The following PTK2 variants were observed in gnomAD, a reference collection of about 807,000 sequenced individuals.
PTK2 encodes focal adhesion kinase 1.
Under a neutral mutation model 150.1 loss-of-function variants are expected in PTK2, and 45 were observed. The ratio of observed to expected loss-of-function variants is 0.30; its 90% CI spans 0.24 to 0.38. PTK2 has a LOEUF of 0.38. PTK2 is among the 10% of genes least tolerant of loss of function. The pLI, the probability that PTK2 is intolerant of heterozygous loss-of-function variation, is 1.00. For synonymous variants in PTK2, 432 were observed against 449.2 expected (o/e 0.96, Z 0.48); for missense variants, 919 against 1,307.3 (o/e 0.70, Z 4.58).
At chr8:140,885,761 G>T (rs887643548) in intron 3 of PTK2, among the ~76,000 whole-genome samples, 1 of 152,144 alleles carries the variant, frequency 6.6e-6, no homozygotes, top group Admixed American at 6.6e-5. Context: ...AGAGAAACAG[G>T]AAGCAGAAAG....
chr8:140,743,704 TA>T (rs1354557453), intron 19 of PTK2, among the ~76,000 whole-genome samples: 2 of 152,184 alleles, frequency 1.3e-5, no homozygotes, highest in Admixed American at 6.5e-5. Flanking sequence ...TATCATTAAA[TA>T]AAAGTTGCCT....
intron 21 of PTK2, 55 bp from the exon 25 acceptor site, chr8:140,735,510 C>A: frequency 6.4e-7 from 1 of 1,556,718 alleles, no homozygotes; most frequent in African/African-American, 1.4e-5. Flanking sequence ...AATGTAACTC[C>A]CAGGTTCCAG....
intron 15 of PTK2, among the ~76,000 whole-genome samples, chr8:140,763,933 T>C (rs1028428296): frequency 6.6e-5 from 10 of 152,160 alleles, no homozygotes; most frequent in Non-Finnish European, 2.9e-5. Flanking sequence ...CCAATAATAC[T>C]AATTTTCTAC....
intron 20 of PTK2, among the ~76,000 whole-genome samples, chr8:140,739,334 A>C (rs1335915308): frequency 6.6e-6 from 1 of 152,168 alleles, no homozygotes; most frequent in Non-Finnish European, 1.5e-5. Context: ...CCTTCCCTCT[A>C]TAGAGAGGCA....
chr8:140,659,591 G>A, exon 32 of PTK2: 1 of 1,614,150 alleles, frequency 6.2e-7, no homozygotes. Flanking sequence ...TCTTGCTGGA[G>A]GCTGGTCATG....
intron 23 of PTK2, among the ~76,000 whole-genome samples, chr8:140,713,331 G>A (rs1293640812): frequency 6.6e-6 from 1 of 152,202 alleles, no homozygotes; most frequent in Non-Finnish European, 1.5e-5. Context: ...CGCGATCTCA[G>A]CTCAGTGCAA....
chr8:140,726,934 A>T (rs1264111203), intron 22 of PTK2, among the ~76,000 whole-genome samples: 1 of 152,232 alleles, frequency 6.6e-6, no homozygotes, highest in Non-Finnish European at 1.5e-5. Context: ...ATTTCAGCAT[A>T]ATGGACCAAG....
intron 3 of PTK2, among the ~76,000 whole-genome samples, chr8:140,887,312 T>A (rs1257368342): frequency 6.6e-6 from 1 of 152,186 alleles, no homozygotes; most frequent in East Asian, 1.9e-4. Flanking sequence ...AAAAATCATG[T>A]CCAAGGCCAA....
chr8:140,965,357 G>C (rs916560631), intron 1 of PTK2, among the ~76,000 whole-genome samples: 1 of 152,184 alleles, frequency 6.6e-6, no homozygotes, highest in Non-Finnish European at 1.5e-5. Flanking sequence ...GGTAGGGGCT[G>C]TTCTGTCTCA....
At chr8:140,690,290 C>T (rs770865637) in intron 26 of PTK2, among the ~76,000 whole-genome samples, 2 of 152,078 alleles carry the variant, frequency 1.3e-5, no homozygotes, top group Admixed American at 6.5e-5. Context: ...CTTGATCTGC[C>T]GCCCAGGTCA....
chr8:140,733,248 A>T (rs1342529757), intron 22 of PTK2, among the ~76,000 whole-genome samples: 1 of 152,186 alleles, frequency 6.6e-6, no homozygotes, highest in African/African-American at 2.4e-5. Flanking sequence ...CTGGCATAGA[A>T]GAGAATGTAA....
rs141668003 is a variant in PTK2 at position 140,817,138 on chromosome 8, T to C, written c.867+1139A>G. On this transcript the variant is annotated intron_variant, in intron 10 of 31. Transcript: ENST00000522684. ...TTTCTACCAGGTTCACAGAGTGAAA[T>C]AACCAAGTAGGACAGTGTGCCTGAT... 4.5e-3 allele frequency among the ~76,000 whole-genome samples: 683 copies of C among 151,766 alleles called. 4 individuals are homozygous for C. Among genetic ancestry groups the C allele is most frequent in the African/African-American group, 0.016 (648 of 41,352 alleles).
chr8:140,947,895 A>AATT lies in PTK2; in HGVS notation c.-121-22149_-121-22147dup, dbSNP rs2100178226. On this transcript the variant is annotated intron_variant, in intron 1 of 31. Coordinates refer to ENST00000522684, the Ensembl canonical transcript of PTK2. ...TCGGACAAAAAATAATAATAATAAT[A>AATT]ATTTTTTAAAAATCCCAAGGGGCTA... is the stretch of plus-strand genomic sequence containing the variant. Among the ~76,000 whole-genome samples, 4 of 152,194 alleles carry AATT rather than the reference A, an allele frequency of 2.6e-5. No homozygotes were observed. The South Asian group carries it at 8.3e-4, about 32-fold the overall frequency.
At chr8:140,750,919 A>G (rs771558378) in intron 17 of PTK2, among the ~76,000 whole-genome samples, 1 of 152,156 alleles carries the variant, frequency 6.6e-6, no homozygotes, top group African/African-American at 2.4e-5. Flanking sequence ...TCCACAAAAC[A>G]AAAACAAAAA....
intron 2 of PTK2, among the ~76,000 whole-genome samples, chr8:140,904,788 A>T (rs1419016172): frequency 1.3e-5 from 2 of 152,040 alleles, no homozygotes; most frequent in African/African-American, 2.4e-5. Flanking sequence ...ATTTGCATAG[A>T]GGTGTTTCTA....
chr8:140,742,307 T>C (rs1565455559), intron 20 of PTK2, among the ~76,000 whole-genome samples: 1 of 152,258 alleles, frequency 6.6e-6, no homozygotes, highest in Admixed American at 6.5e-5. Context: ...GGAGCTGATT[T>C]GAATTTCTGG....
At chr8:140,766,188 G>A (rs2100072177) in intron 14 of PTK2, among the ~76,000 whole-genome samples, 1 of 152,158 alleles carries the variant, frequency 6.6e-6, no homozygotes, top group African/African-American at 2.4e-5. Flanking sequence ...GTGTTACGAA[G>A]CAGATGTTTT....
intron 31 of PTK2, 118 bp downstream of exon 35, chr8:140,664,799 C>A: frequency 1.0e-6 from 1 of 965,586 alleles, no homozygotes; most frequent in Admixed American, 2.0e-5. Context: ...GCTTGTAGGG[C>A]AGTTGATGTC....
At chr8:140,891,083 C>T (rs1191433635) in intron 2 of PTK2, among the ~76,000 whole-genome samples, 4 of 141,560 alleles carry the variant, frequency 2.8e-5, no homozygotes, top group African/African-American at 8.0e-5. Flanking sequence ...TAATCATAGC[C>T]TTTAAATTTG....
Sources: allele counts gnomAD v4.1 joint callset (sites outside exome capture counted in the v4.1 genomes callset), GRCh38; gene constraint gnomAD v4.1.1; transcripts MANE v1.5; gene names NCBI Gene and HGNC (gene_info 2026-07-23, HGNC 2026-07-21).